Variants in TMEM117 observed in about 807,000 individuals in gnomAD.
TMEM117 encodes the protein transmembrane protein 117.
TMEM117 carries 27 observed loss-of-function variants against 52.4 expected under a neutral mutation model. The observed-to-expected ratio is 0.51, with a 90% CI of 0.38 to 0.71. The LOEUF (loss-of-function observed/expected upper bound fraction) is 0.71, where lower values mean the gene tolerates loss of function less well. TMEM117 is among the 30% of genes least tolerant of loss of function. TMEM117 has a pLI of 0.00. For synonymous variants in TMEM117, 215 were observed against 206.3 expected, an observed-to-expected ratio of 1.04 and a Z score of -0.36; for missense variants, 556 against 630.5, an observed-to-expected ratio of 0.88 and a Z score of 1.26.
At chr12:43,850,731 AC>A (rs1943292229) in intron 2 of TMEM117, among the ~76,000 whole-genome samples, 1 of 152,090 alleles carries the variant, frequency 6.6e-6, no homozygotes. Flanking sequence ...TTTAATGCAA[AC>A]ATTAATGTTC....
intron 6 of TMEM117, among the ~76,000 whole-genome samples, chr12:44,302,842 A>G (rs559860312): frequency 1.3e-5 from 2 of 152,302 alleles, no homozygotes; most frequent in South Asian, 2.1e-4. Flanking sequence ...TATAAGACAA[A>G]TATCCTAACA....
chr12:43,949,163 AGT>A (rs1491521097), intron 3 of TMEM117, among the ~76,000 whole-genome samples: 2 of 152,204 alleles, frequency 1.3e-5, no homozygotes, highest in Non-Finnish European at 2.9e-5. Context: ...CATAAGGCAG[AGT>A]GAGAGACTGA....
chr12:44,138,561 C>T (rs1268017801), intron 3 of TMEM117, among the ~76,000 whole-genome samples: 1 of 152,090 alleles, frequency 6.6e-6, no homozygotes, highest in Non-Finnish European at 1.5e-5. Context: ...GATATGTCTT[C>T]CTTATAGAAC....
At chr12:43,961,378 C>G (rs967698593) in intron 3 of TMEM117, among the ~76,000 whole-genome samples, 2 of 148,608 alleles carry the variant, frequency 1.3e-5, no homozygotes, top group South Asian at 2.3e-4. Context: ...TAATTTCATA[C>G]AAAATGCCCA....
At chr12:43,977,693 A>G (rs1344681647) in intron 3 of TMEM117, among the ~76,000 whole-genome samples, 2 of 152,108 alleles carry the variant, frequency 1.3e-5, no homozygotes, top group African/African-American at 4.8e-5. Context: ...GACACATTCT[A>G]CTGTGGCCTG....
chr12:43,855,265 T>G (rs1373479598), intron 2 of TMEM117, among the ~76,000 whole-genome samples: 1 of 152,028 alleles, frequency 6.6e-6, no homozygotes, highest in African/African-American at 2.4e-5. Context: ...CATTTCTTTT[T>G]TTCTTTTTTT....
intron 5 of TMEM117, among the ~76,000 whole-genome samples, chr12:44,219,855 T>C (rs1949765433): frequency 6.6e-6 from 1 of 152,178 alleles, no homozygotes; most frequent in South Asian, 2.1e-4. Flanking sequence ...GAACAGTTGG[T>C]ATCTAAAGTT....
At chr12:44,125,728 G>C (rs1210162680) in intron 3 of TMEM117, among the ~76,000 whole-genome samples, 1 of 152,014 alleles carries the variant, frequency 6.6e-6, no homozygotes, top group African/African-American at 2.4e-5. Context: ...GTTCAGCTCT[G>C]ATCTTGGTTA....
intron 2 of TMEM117, among the ~76,000 whole-genome samples, chr12:43,875,023 G>A (rs935785197): frequency 3.9e-5 from 6 of 152,162 alleles, no homozygotes; most frequent in Non-Finnish European, 8.8e-5. Flanking sequence ...AGCTGAACTT[G>A]TTCATACAAA....
chr12:44,208,677 G>A (rs1002765520), intron 4 of TMEM117, among the ~76,000 whole-genome samples: 3 of 147,074 alleles, frequency 2.0e-5, no homozygotes, highest in Non-Finnish European at 3.0e-5. Flanking sequence ...AAAATAAAGA[G>A]TTCGAGCTGG....
chr12:44,100,956 T>G (rs1947851171), intron 3 of TMEM117, among the ~76,000 whole-genome samples: 1 of 151,938 alleles, frequency 6.6e-6, no homozygotes, highest in African/African-American at 2.4e-5. Flanking sequence ...AGAAATTTAT[T>G]TCTCACAGTT....
At chr12:44,352,272 T>C (rs2138782501) in intron 6 of TMEM117, among the ~76,000 whole-genome samples, 1 of 152,056 alleles carries the variant, frequency 6.6e-6, no homozygotes, top group African/African-American at 2.4e-5. Context: ...AATTTTGTTT[T>C]GTTTTGTTTT....
At chr12:44,180,396 A>G (rs1565862692) in intron 4 of TMEM117, among the ~76,000 whole-genome samples, 1 of 151,212 alleles carries the variant, frequency 6.6e-6, no homozygotes, top group East Asian at 1.9e-4. Flanking sequence ...GTACATGTGC[A>G]CATTGTGCAG....
At chr12:44,157,294 T>C (rs1948838576) in intron 4 of TMEM117, among the ~76,000 whole-genome samples, 1 of 152,134 alleles carries the variant, frequency 6.6e-6, no homozygotes, top group Admixed American at 6.6e-5. Context: ...TTATTTTTAG[T>C]AATTATTACT....
At chr12:43,876,490 C>T (rs1943797955) in intron 2 of TMEM117, among the ~76,000 whole-genome samples, 1 of 152,196 alleles carries the variant, frequency 6.6e-6, no homozygotes, top group Non-Finnish European at 1.5e-5. Context: ...AGAAGACATT[C>T]TTATTTGCTC....
intron 1 of TMEM117, among the ~76,000 whole-genome samples, chr12:43,836,468 G>C (rs772228720): frequency 4.9e-4 from 75 of 152,200 alleles, no homozygotes; most frequent in Non-Finnish European, 4.4e-4. Flanking sequence ...GGAGACTCCC[G>C]GGCGAAAGGC....
chr12:44,202,438 G>A (rs1315336705), intron 4 of TMEM117, among the ~76,000 whole-genome samples: 1 of 152,060 alleles, frequency 6.6e-6, no homozygotes, highest in Non-Finnish European at 1.5e-5. Flanking sequence ...CCAGTAAATG[G>A]ATCGTATTTA....
intron 4 of TMEM117, among the ~76,000 whole-genome samples, chr12:44,176,296 C>T (rs1949115463): frequency 6.6e-6 from 1 of 152,098 alleles, no homozygotes; most frequent in Non-Finnish European, 1.5e-5. Context: ...ATACCCAGCA[C>T]CTAGAATGGT....
the TMEM117 span, chr12:43,800,674 G>A: frequency 1.3e-5 from 8 of 598,818 alleles, no homozygotes; most frequent in East Asian, 1.7e-4. Context: ...GCTAAAATAC[G>A]TGTGTACAAA....
Sources: gnomAD v4.1 joint callset for allele counts (sites outside exome capture counted in the v4.1 genomes callset) on GRCh38, gnomAD v4.1.1 for gene constraint, MANE v1.5 for transcripts, NCBI Gene and HGNC (gene_info 2026-07-23, HGNC 2026-07-21) for gene names.